The following DHRS9 variants were observed in gnomAD, a reference collection of about 807,000 sequenced individuals.
DHRS9 encodes the protein dehydrogenase/reductase 9.
Under a neutral mutation model 26.6 loss-of-function variants are expected in DHRS9, and 18 were observed. The observed-to-expected ratio is 0.68, with a 90% CI of 0.47 to 1.00. The LOEUF (loss-of-function observed/expected upper bound fraction) is 1.00. DHRS9 is among the 50% of genes least tolerant of loss of function. The probability of loss-of-function intolerance (pLI) is 0.00; values close to 1 mark genes in which losing one functional copy is unlikely to be tolerated. For missense variants in DHRS9, 425 were observed against 378.7 expected (o/e 1.12, Z -1.01); for synonymous variants, 134 against 141.1 (o/e 0.95, Z 0.36).
At position 169,095,838 on chromosome 2, in the gene DHRS9, C is replaced by T. The variant is rs1684683168; in HGVS notation, c.*71C>T. 5 of 1,385,618 alleles carry T rather than the reference C, an allele frequency of 3.6e-6. No individual in the cohort carries two copies. In the South Asian group the frequency reaches 6.0e-5, roughly 17 times the overall value. 85.8% of individuals were successfully genotyped at this position (1,385,618 alleles called of 1,614,324 possible). A position where few individuals can be genotyped will look rare whatever the true frequency, so the allele number is the denominator to read the frequency against. On this transcript the variant is annotated 3_prime_UTR_variant, in exon 5 of 5. Coordinates refer to ENST00000674881, the MANE Select transcript of DHRS9 (RefSeq NM_001376924.1). ...TTTCAAGAACACATCTCCTTTTCAA[C>T]CCCATTCCTTATCTGCTCCAACCTG...
At chr2:169,093,698 C>T (rs1684606075) in intron 4 of DHRS9, among the ~76,000 whole-genome samples, 1 of 152,196 alleles carries the variant, frequency 6.6e-6, no homozygotes, top group South Asian at 2.1e-4. Flanking sequence ...AGGCATTGAG[C>T]TCAGTTTTAC....
intron 1 of DHRS9, among the ~76,000 whole-genome samples, chr2:169,080,049 GAAAATAAAGTCC>G (rs1207406068): frequency 7.2e-6 from 1 of 138,000 alleles, no homozygotes; most frequent in Non-Finnish European, 1.6e-5. Context: ...AAGAAAGAAA[GAAAATAAAGTCC>G]AAAGTCTATA....
At chr2:169,091,457 G>A (rs950957173) in intron 3 of DHRS9, among the ~76,000 whole-genome samples, 15 of 152,046 alleles carry the variant, frequency 9.9e-5, no homozygotes, top group African/African-American at 3.6e-4. Flanking sequence ...CCATAAGGTG[G>A]TTTAAGTACT....
chr2:169,085,073 C>T (rs183164773), intron 3 of DHRS9, among the ~76,000 whole-genome samples: 3 of 152,234 alleles, frequency 2.0e-5, no homozygotes, highest in Non-Finnish European at 2.9e-5. Flanking sequence ...GTTTTCCTAG[C>T]ATCATTTATT....
At position 169,083,502 on chromosome 2, in the gene DHRS9, T is replaced by C; in HGVS notation, c.487T>C (p.Ser163Pro). 6.2e-7 allele frequency: 1 copy of C among 1,614,078 alleles called. No individual in the cohort carries two copies. Among genetic ancestry groups the C allele is most frequent in the Non-Finnish European group, 8.5e-7 (1 of 1,179,998 alleles). ...KKAQGRVINV[S>P]SVGGRLAIVG... is the part of the protein sequence containing the mutation. ...AGCTCAAGGGAGAGTTATTAATGTC[T>C]CCAGTGTTGGAGGTCGCCTTGCAAT... is the stretch of plus-strand genomic sequence containing the variant. Residue 163 changes from serine to proline, a missense_variant, in exon 3 of 5, where the codon TCC (serine) becomes CCC (proline). Coordinates refer to ENST00000674881, the MANE Select transcript of DHRS9 (RefSeq NM_001376924.1).
intron 3 of DHRS9, among the ~76,000 whole-genome samples, chr2:169,086,078 ATC>A (rs372463641): frequency 6.0e-5 from 9 of 150,086 alleles, no homozygotes; most frequent in African/African-American, 2.0e-4. Context: ...TTTCTACCCC[ATC>A]TCTCTCTCTC....
At chr2:169,067,194 C>T (rs1265409431), upstream of DHRS9, 1 of 1,535,610 alleles carries the variant, frequency 6.5e-7, no homozygotes, top group Admixed American at 2.0e-5. Context: ...CCAGCCTCAC[C>T]CTCCTGGTCA....
At chr2:169,083,875 T>A (rs1684271817) in intron 3 of DHRS9, among the ~76,000 whole-genome samples, 1 of 152,174 alleles carries the variant, frequency 6.6e-6, no homozygotes, top group African/African-American at 2.4e-5. Context: ...TATTTTTAAA[T>A]CTGTGATAAA....
rs1217084552 is a variant in DHRS9 at position 169,096,154 on chromosome 2, A to G, written c.*387A>G. The G allele has an allele frequency of 4.5e-6, 1 of 222,146 alleles. No homozygotes were observed. The highest frequency in any genetic ancestry group is 5.2e-5 in the Admixed American group (1 of 19,120). The allele number at this position is 222,146 out of a possible 1,614,324, so 13.8% of individuals were successfully genotyped here. On this transcript the variant is annotated 3_prime_UTR_variant, in exon 5 of 5. Coordinates refer to ENST00000674881, the MANE Select transcript of DHRS9 (RefSeq NM_001376924.1). ...TCATCTCTTATCTAAATATTAAAAG[A>G]TAAGTCAAACATTTTCATGAGTGGA...
At chr2:169,084,934 A>G (rs1354062996) in intron 3 of DHRS9, among the ~76,000 whole-genome samples, 1 of 152,160 alleles carries the variant, frequency 6.6e-6, no homozygotes, top group Non-Finnish European at 1.5e-5. Flanking sequence ...AGTTACTCCA[A>G]TGTTTTCTTG....
intron 1 of DHRS9, chr2:169,070,470 T>G (rs1186182417): frequency 4.1e-6 from 4 of 985,346 alleles, no homozygotes; most frequent in Non-Finnish European, 3.6e-6. Context: ...AATGTCCCAC[T>G]ACACTGTTAG....
chr2:169,071,876 AT>A (rs534684739), intron 1 of DHRS9, among the ~76,000 whole-genome samples: 29 of 151,642 alleles, frequency 1.9e-4, no homozygotes, highest in African/African-American at 5.3e-4. Flanking sequence ...CCATTAAAAA[AT>A]TTTTTTTTCA....
At chr2:169,076,375 G>A (rs562366010) in intron 1 of DHRS9, among the ~76,000 whole-genome samples, 12 of 152,208 alleles carry the variant, frequency 7.9e-5, no homozygotes, top group African/African-American at 1.2e-4. Context: ...TTGTACATTC[G>A]CCTCCAAGCT....
intron 1 of DHRS9, chr2:169,074,586 C>A: frequency 3.0e-6 from 1 of 332,854 alleles, no homozygotes; most frequent in Non-Finnish European, 4.3e-6. Flanking sequence ...TAATTTATTT[C>A]TCAGTGGTCA....
At chr2:169,088,109 GA>G (rs1387971754) in intron 3 of DHRS9, among the ~76,000 whole-genome samples, 1 of 152,104 alleles carries the variant, frequency 6.6e-6, no homozygotes, top group Non-Finnish European at 1.5e-5. Context: ...AGTTTATTTA[GA>G]ACCCCACAGC....
intron 1 of DHRS9, chr2:169,081,116 G>A: frequency 1.0e-6 from 1 of 993,828 alleles, no homozygotes; most frequent in Non-Finnish European, 1.2e-6. Context: ...TAGATTTTAA[G>A]CCCATTCTGC....
Position 169,095,652 on chromosome 2 carries a change from C to G in DHRS9, c.845C>G (p.Ala282Gly). Residue 282 changes from alanine (A) to glycine (G), a missense_variant, in exon 5 of 5, where the codon GCC becomes GGC. Ala to Gly is a moderately conservative substitution (Grantham distance 60). Transcript: ENST00000674881. ...LTSLFPKTHY[A>G]AGKDAKIFWI... Reference sequence around the variant, plus strand: ...AGTCTCTTCCCTAAGACTCATTATGCCGCTGGAAAAGATGCCAAAATTTTC... The same window carrying G: ...AGTCTCTTCCCTAAGACTCATTATGGCGCTGGAAAAGATGCCAAAATTTTC... The G allele has an allele frequency of 6.2e-7, 1 of 1,613,962 alleles. No homozygotes were observed. Among genetic ancestry groups the G allele is most frequent in the Non-Finnish European group, 8.5e-7 (1 of 1,179,904 alleles).
intron 3 of DHRS9, among the ~76,000 whole-genome samples, chr2:169,089,901 G>A (rs1684466756): frequency 6.6e-6 from 1 of 152,018 alleles, no homozygotes; most frequent in Non-Finnish European, 1.5e-5. Flanking sequence ...GAGTAGCAAG[G>A]TCATAAAAAA....
intron 1 of DHRS9, among the ~76,000 whole-genome samples, chr2:169,078,814 A>ATTTTTTTTTT (rs1491412045): frequency 9.8e-6 from 1 of 102,150 alleles, no homozygotes; most frequent in South Asian, 2.9e-4. Flanking sequence ...TTATCAACTG[A>ATTTTTTTTTT]CTTTTTTTTT....
Sources: allele counts gnomAD v4.1 joint callset (sites outside exome capture counted in the v4.1 genomes callset), GRCh38; gene constraint gnomAD v4.1.1; transcripts MANE v1.5; gene names NCBI Gene and HGNC (gene_info 2026-07-23, HGNC 2026-07-21).